Variants in HNF1B observed in about 807,000 individuals in gnomAD.
HNF1B encodes the protein hepatocyte nuclear factor 1-beta.
In HNF1B, 8 loss-of-function variants were observed where a neutral mutation model predicts 61.7. The observed-to-expected ratio is 0.13, with a 90% CI of 0.08 to 0.23. The LOEUF (loss-of-function observed/expected upper bound fraction) is 0.23, where lower values mean the gene tolerates loss of function less well. HNF1B is among the 10% of genes least tolerant of loss of function. The pLI, the probability that HNF1B is intolerant of heterozygous loss-of-function variation, is 1.00. For missense variants in HNF1B, 562 were observed against 714.5 expected (o/e 0.79, Z 2.43); for synonymous variants, 314 against 287.7 (o/e 1.09, Z -0.93).
chr17:37,699,162 A>T lies in HNF1B; in HGVS notation c.1567T>A (p.Ser523Thr). 6.2e-7 allele frequency: 1 copy of T among 1,614,082 alleles called. No individual in the cohort carries two copies. Among genetic ancestry groups the T allele is most frequent in the Non-Finnish European group, 8.5e-7 (1 of 1,179,994 alleles). ...GCAGATGGAAACCGGGAGGTGTGGG[A>T]ATACTGGGGGGGTTCCTGCTTGTGT... ...YAHKQEPPQY[S>T]HTSRFPSAMV... Residue 523 changes from serine to threonine, a missense_variant, in exon 8 of 9, where the codon TCC (serine) becomes ACC (threonine). Ser to Thr is a moderately conservative substitution (Grantham distance 58). Around this residue, in one of 6 missense-constraint regions of HNF1B, gnomAD observed 64 missense variants for 96.9 expected, o/e 0.66. Transcript: ENST00000617811.
chr17:37,744,842 C>A lies in HNF1B; in HGVS notation c.43G>T (p.Ala15Ser). Residue 15 changes from alanine (A) to serine (S), a missense_variant, in exon 1 of 9, where the codon GCC (alanine) becomes TCC (serine). By Grantham distance (99) the Ala-to-Ser change is moderately conservative (BLOSUM62 1). Coordinates refer to ENST00000617811, the MANE Select transcript of HNF1B (RefSeq NM_000458.4). ...LTSLQQELLS[A>S]LLSSGVTKEV... ...TTGGTGACCCCGGAGCTCAGCAGGG[C>A]GCTCAGGAGTTCTTGCTGGAGCGAC... 1 of 1,605,492 alleles carries A rather than the reference C, an allele frequency of 6.2e-7. No homozygotes were observed. Among genetic ancestry groups the A allele is most frequent in the Non-Finnish European group, 8.5e-7 (1 of 1,175,756 alleles).
At chr17:37,718,279 C>T (rs148641747) in intron 4 of HNF1B, among the ~76,000 whole-genome samples, 1 of 152,180 alleles carries the variant, frequency 6.6e-6, no homozygotes, top group Non-Finnish European at 1.5e-5. Flanking sequence ...TGTCCTCCCC[C>T]ACAAGGTCTA....
chr17:37,714,859 A>C (rs2033052628), intron 4 of HNF1B, among the ~76,000 whole-genome samples: 1 of 152,052 alleles, frequency 6.6e-6, no homozygotes, highest in Non-Finnish European at 1.5e-5. Context: ...ATATCTTTCT[A>C]AAACAAAGTC....
At chr17:37,712,377 C>T (rs963812417) in intron 4 of HNF1B, among the ~76,000 whole-genome samples, 3 of 151,906 alleles carry the variant, frequency 2.0e-5, no homozygotes, top group Admixed American at 6.5e-5. Context: ...CCCTGTCCTC[C>T]TGTGCACCTA....
chr17:37,733,944 C>A, intron 2 of HNF1B, 123 bp from the exon 3 acceptor site: 2 of 1,142,694 alleles, frequency 1.8e-6, no homozygotes. Context: ...GCTTTGCAAC[C>A]TTCTCTCACT....
At chr17:37,723,086 TC>T (rs2033371881) in intron 4 of HNF1B, among the ~76,000 whole-genome samples, 3 of 151,510 alleles carry the variant, frequency 2.0e-5, no homozygotes. Flanking sequence ...ACGGCTGTAA[TC>T]CCAGCACTTT....
intron 5 of HNF1B, among the ~76,000 whole-genome samples, chr17:37,706,142 A>T (rs2032741355): frequency 6.6e-6 from 1 of 152,084 alleles, no homozygotes; most frequent in Non-Finnish European, 1.5e-5. Flanking sequence ...TATTTTTAGT[A>T]GAGACGGGAT....
intron 8 of HNF1B, among the ~76,000 whole-genome samples, chr17:37,698,603 G>A (rs2032461391): frequency 6.6e-6 from 1 of 152,114 alleles, no homozygotes; most frequent in African/African-American, 2.4e-5. Flanking sequence ...AGAGCTTATG[G>A]CATTCTGGGT....
At chr17:37,715,597 C>T (rs17138476) in intron 4 of HNF1B, among the ~76,000 whole-genome samples, 24,474 of 152,094 alleles carry the variant, frequency 0.16, 2,313 homozygotes, top group East Asian at 0.26. Flanking sequence ...ATCCACCAGC[C>T]GCCTCGGTCC....
chr17:37,715,521 A>G (rs953175445), intron 4 of HNF1B, among the ~76,000 whole-genome samples: 9 of 152,242 alleles, frequency 5.9e-5, no homozygotes, highest in South Asian at 2.1e-4. Context: ...GCCTGCATCC[A>G]GCTGAATGGA....
At position 37,693,350 on chromosome 17, in the gene HNF1B, G is replaced by A. The variant is rs148949903; in HGVS notation, c.1653+5726C>T. Among the ~76,000 whole-genome samples, 574 of 152,216 alleles carry A rather than the reference G, an allele frequency of 3.8e-3. 2 individuals are homozygous for A. The highest frequency in any genetic ancestry group is 0.013 in the African/African-American group (525 of 41,528). On this transcript the variant is annotated intron_variant, in intron 8 of 8. Coordinates refer to ENST00000617811, the MANE Select transcript of HNF1B (RefSeq NM_000458.4). ...CACATTGAATATTTTGTGAGATGGG[G>A]GTGGGATTTTCCCCATTTATAGATG...
At chr17:37,735,141 G>A (rs1439729567) in intron 2 of HNF1B, among the ~76,000 whole-genome samples, 1 of 152,112 alleles carries the variant, frequency 6.6e-6, no homozygotes, top group Non-Finnish European at 1.5e-5. Flanking sequence ...GTCACAGAAA[G>A]TGGAAGGCTA....
chr17:37,705,707 C>T (rs2032723903), intron 5 of HNF1B, among the ~76,000 whole-genome samples: 1 of 152,220 alleles, frequency 6.6e-6, no homozygotes, highest in Admixed American at 6.5e-5. Context: ...AATTGTAATA[C>T]AAGCATCTGA....
intron 8 of HNF1B, among the ~76,000 whole-genome samples, chr17:37,689,236 G>A (rs1023204006): frequency 8.0e-5 from 12 of 150,808 alleles, no homozygotes; most frequent in Non-Finnish European, 1.2e-4. Flanking sequence ...TTCTTGAGAC[G>A]TTGGTCAGGG....
chr17:37,726,351 G>A (rs942300412), intron 4 of HNF1B, among the ~76,000 whole-genome samples: 1 of 152,216 alleles, frequency 6.6e-6, no homozygotes, highest in African/African-American at 2.4e-5. Context: ...GATGACACTA[G>A]AGATGGCTCC....
At chr17:37,702,125 TG>T (rs1226072557) in intron 6 of HNF1B, among the ~76,000 whole-genome samples, 1 of 152,158 alleles carries the variant, frequency 6.6e-6, no homozygotes, top group Non-Finnish European at 1.5e-5. Flanking sequence ...GGGTCGATTG[TG>T]TTCCTGTGTT....
At chr17:37,741,373 T>C (rs2033987385) in intron 1 of HNF1B, among the ~76,000 whole-genome samples, 1 of 152,186 alleles carries the variant, frequency 6.6e-6, no homozygotes, top group South Asian at 2.1e-4. Context: ...AAACTTTTTA[T>C]ATTAATTATA....
intron 5 of HNF1B, among the ~76,000 whole-genome samples, chr17:37,709,260 A>G (rs1379803722): frequency 1.3e-5 from 2 of 152,002 alleles, no homozygotes; most frequent in South Asian, 2.1e-4. Flanking sequence ...ATTATTAATT[A>G]TTATTTTTTG....
intron 8 of HNF1B, among the ~76,000 whole-genome samples, chr17:37,693,664 C>T (rs1453871586): frequency 6.6e-6 from 1 of 152,186 alleles, no homozygotes; most frequent in Non-Finnish European, 1.5e-5. Context: ...CCTTCTCTCC[C>T]CTCACTCGTA....
Sources: gnomAD v4.1 joint callset for allele counts (sites outside exome capture counted in the v4.1 genomes callset) on GRCh38, gnomAD v4.1.1 for gene constraint, gnomAD v4.1.1 regional missense constraint, MANE v1.5 for transcripts, NCBI Gene and HGNC (gene_info 2026-07-23, HGNC 2026-07-21) for gene names.